NALF1: variants seen among roughly 807,000 people sequenced by gnomAD.
NALF1 encodes the protein family with sequence similarity 155 member A.
A neutral mutation model predicts 48.4 loss-of-function variants in NALF1; 3 were observed. The ratio of observed to expected loss-of-function variants is 0.06; its 90% CI spans 0.03 to 0.16. The LOEUF (loss-of-function observed/expected upper bound fraction) is 0.16. Among genes scored for constraint, NALF1 ranks in the 10% least tolerant of loss-of-function variants. NALF1 has a pLI of 1.00. For missense variants in NALF1, 526 were observed against 571.5 expected (o/e 0.92, Z 0.81); for synonymous variants, 262 against 245.7 (o/e 1.07, Z -0.62).
chr13:107,580,057 A>T (rs1878261665), intron 1 of NALF1, among the ~76,000 whole-genome samples: 1 of 152,070 alleles, frequency 6.6e-6, no homozygotes, highest in Non-Finnish European at 1.5e-5. Flanking sequence ...CAAATGTCCA[A>T]TAATGATAGA....
At position 107,738,548 on chromosome 13, in the gene NALF1, T is replaced by A. The variant is rs1300299834; in HGVS notation, c.915+127134A>T. Among the ~76,000 whole-genome samples, 3 of 152,220 alleles carry A rather than the reference T, an allele frequency of 2.0e-5. No individual in the cohort carries two copies. The East Asian group carries it at 5.8e-4, about 29-fold the overall frequency. On this transcript the variant is annotated intron_variant, in intron 1 of 2. Transcript: ENST00000375915. Reference sequence around the variant, plus strand: ...AGAATAAACAAAGAAATAACTACAATATCACTTTGTGTAATAAAAGTAGAT... The same window carrying A: ...AGAATAAACAAAGAAATAACTACAAAATCACTTTGTGTAATAAAAGTAGAT...
At chr13:107,250,388 C>T (rs962251142) in intron 1 of NALF1, among the ~76,000 whole-genome samples, 1 of 151,964 alleles carries the variant, frequency 6.6e-6, no homozygotes, top group Non-Finnish European at 1.5e-5. Context: ...ATATTGCCCT[C>T]AGCTATAGTG....
At chr13:107,641,821 A>C (rs2138459066) in intron 1 of NALF1, among the ~76,000 whole-genome samples, 1 of 152,286 alleles carries the variant, frequency 6.6e-6, no homozygotes, top group African/African-American at 2.4e-5. Flanking sequence ...GGGATTTATG[A>C]ACCAGGTTTC....
chr13:107,853,786 AT>A (rs1381826504), intron 1 of NALF1, among the ~76,000 whole-genome samples: 1 of 152,234 alleles, frequency 6.6e-6, no homozygotes, highest in Non-Finnish European at 1.5e-5. Context: ...ACACACAAAA[AT>A]AGATTGGGTA....
In NALF1 at chr13:107,599,746, A is replaced by C. The variant is rs371447620; in HGVS notation, c.915+265936T>G. ...ATTTTAACTAGTATAATGGGATAAG[A>C]AGCTAAAAATATTAATTATCATAAA... On this transcript the variant is annotated intron_variant, in intron 1 of 2. Coordinates refer to ENST00000375915, the MANE Select transcript of NALF1 (RefSeq NM_001080396.3). 1.1e-4 allele frequency among the ~76,000 whole-genome samples: 16 copies of C among 152,304 alleles called. No homozygotes were observed. In the East Asian group the frequency reaches 2.7e-3, roughly 26 times the overall value.
intron 1 of NALF1, among the ~76,000 whole-genome samples, chr13:107,539,155 G>A (rs997239975): frequency 6.6e-6 from 1 of 151,846 alleles, no homozygotes; most frequent in Non-Finnish European, 1.5e-5. Context: ...TCTAACAATG[G>A]AATATCACAG....
At chr13:107,833,932 GA>G (rs1879815305) in intron 1 of NALF1, among the ~76,000 whole-genome samples, 1 of 151,678 alleles carries the variant, frequency 6.6e-6, no homozygotes, top group Non-Finnish European at 1.5e-5. Flanking sequence ...TAAAACTATG[GA>G]AACTTTGAGG....
chr13:107,297,012 G>GT (rs1175099274), intron 1 of NALF1, among the ~76,000 whole-genome samples: 3 of 151,616 alleles, frequency 2.0e-5, no homozygotes, highest in South Asian at 4.2e-4. Context: ...ATAGATTAGA[G>GT]TTTTTTTATT....
chr13:107,533,623 T>C (rs1183575988), intron 1 of NALF1, among the ~76,000 whole-genome samples: 1 of 152,172 alleles, frequency 6.6e-6, no homozygotes, highest in Non-Finnish European at 1.5e-5. Flanking sequence ...TATTCTTTAA[T>C]AACTGTTCAA....
chr13:107,239,507 A>G (rs1196138158), intron 1 of NALF1, among the ~76,000 whole-genome samples: 1 of 152,230 alleles, frequency 6.6e-6, no homozygotes, highest in Non-Finnish European at 1.5e-5. Context: ...TTACATCTAC[A>G]AAGATCCTAT....
At chr13:107,855,745 TGA>T (rs1880426950) in intron 1 of NALF1, among the ~76,000 whole-genome samples, 1 of 152,238 alleles carries the variant, frequency 6.6e-6, no homozygotes, top group Admixed American at 6.5e-5. Context: ...TACTTACCTA[TGA>T]GAATGTTCGC....
intron 2 of NALF1, among the ~76,000 whole-genome samples, chr13:107,192,946 A>G (rs1289256095): frequency 6.6e-6 from 1 of 152,156 alleles, no homozygotes; most frequent in Non-Finnish European, 1.5e-5. Context: ...GTATGTTTAT[A>G]TATGTTCTTA....
rs142082381 is a variant in NALF1, at chr13:107,334,270, G to GAGT, written c.916-123516_916-123515insACT. ...TTCCTAAACAGAAACCCCAGAATAT[G>GAGT]ATTATAAAAAATGCTTTATTGGTGA... On this transcript the variant is annotated intron_variant, in intron 1 of 2. Transcript: ENST00000375915. 2.9e-3 allele frequency among the ~76,000 whole-genome samples: 440 copies of GAGT among 152,260 alleles called. 2 individuals are homozygous for GAGT. Among genetic ancestry groups the GAGT allele is most frequent in the African/African-American group, 9.6e-3 (399 of 41,566 alleles).
intron 1 of NALF1, among the ~76,000 whole-genome samples, chr13:107,677,276 C>A (rs1407522085): frequency 6.6e-6 from 1 of 152,184 alleles, no homozygotes; most frequent in Non-Finnish European, 1.5e-5. Flanking sequence ...GAACTCCTTA[C>A]CTCAAGTGAT....
Position 107,690,865 on chromosome 13 carries a change from T to A in NALF1, c.915+174817A>T, listed in dbSNP as rs887292873. Among the ~76,000 whole-genome samples, 14 of 152,290 alleles carry A rather than the reference T, an allele frequency of 9.2e-5. No homozygotes were observed. The Middle Eastern group carries it at 0.01, about 111-fold the overall frequency. On this transcript the variant is annotated intron_variant, in intron 1 of 2. Coordinates refer to ENST00000375915, the MANE Select transcript of NALF1 (RefSeq NM_001080396.3). ...AGGTACATTCAAAACATGATGGCAATAATAGAGTTCACCCATGCATTCTTA... is the reference window on the plus strand; with the variant it reads ...AGGTACATTCAAAACATGATGGCAAAAATAGAGTTCACCCATGCATTCTTA...
chr13:107,314,350 G>A (rs531542508), intron 1 of NALF1, among the ~76,000 whole-genome samples: 1 of 152,124 alleles, frequency 6.6e-6, no homozygotes, highest in East Asian at 1.9e-4. Flanking sequence ...CTTGCCTTAG[G>A]ATACTGTGCT....
chr13:107,315,134 C>A (rs1304020592), intron 1 of NALF1, among the ~76,000 whole-genome samples: 1 of 152,070 alleles, frequency 6.6e-6, no homozygotes, highest in Non-Finnish European at 1.5e-5. Flanking sequence ...TGGCTCCTTT[C>A]TGAATGCCCT....
intron 1 of NALF1, among the ~76,000 whole-genome samples, chr13:107,485,525 C>T (rs1885315911): frequency 6.6e-6 from 1 of 152,186 alleles, no homozygotes; most frequent in Non-Finnish European, 1.5e-5. Context: ...TTCCCCACAT[C>T]TCATTTACCA....
At chr13:107,272,911 TA>T (rs904186768) in intron 1 of NALF1, among the ~76,000 whole-genome samples, 1 of 152,086 alleles carries the variant, frequency 6.6e-6, no homozygotes, top group African/African-American at 2.4e-5. Context: ...AAAATGAGAA[TA>T]AAAAAGGCAT....
Sources: allele counts gnomAD v4.1 joint callset (sites outside exome capture counted in the v4.1 genomes callset), GRCh38; gene constraint gnomAD v4.1.1; transcripts MANE v1.5; gene names NCBI Gene and HGNC (gene_info 2026-07-23, HGNC 2026-07-21).